The following MCU variants were observed in gnomAD, a reference collection of about 807,000 sequenced individuals.
MCU encodes the protein mitochondrial calcium uniporter.
MCU carries 12 observed loss-of-function variants against 45.2 expected under a neutral mutation model. That is an observed-to-expected ratio of 0.27 (90% CI 0.17 to 0.43). MCU has a LOEUF of 0.43. Ranked by LOEUF, MCU falls within the 20% of genes least tolerant of loss-of-function variation. The pLI, the probability that MCU is intolerant of heterozygous loss-of-function variation, is 1.00. For missense variants in MCU, 324 were observed against 436.7 expected, an observed-to-expected ratio of 0.74 and a Z score of 2.30; for synonymous variants, 160 against 165.1, an observed-to-expected ratio of 0.97 and a Z score of 0.24.
chr10:72,865,763 G>GTT lies in MCU; in HGVS notation c.497-2930_497-2929dup, dbSNP rs111556239. 9.5e-3 allele frequency among the ~76,000 whole-genome samples: 1,185 copies of GTT among 125,350 alleles called. 18 individuals carry two copies. The highest frequency in any genetic ancestry group is 0.033 in the African/African-American group (1,111 of 33,856). The allele number at this position is 125,350 out of a possible 152,430, so 82.2% of individuals were successfully genotyped here. On this transcript the variant is annotated intron_variant, in intron 4 of 7. Coordinates refer to ENST00000373053, the MANE Select transcript of MCU (RefSeq NM_138357.3). ...TATGTTGCCCAGGCTGTGTGGTTTT[G>GTT]TTTTTTTTTTTGTTTTTTTTTTTGT...
intron 1 of MCU, among the ~76,000 whole-genome samples, chr10:72,792,961 C>T (rs1357802587): frequency 1.3e-5 from 2 of 151,964 alleles, no homozygotes; most frequent in Non-Finnish European, 2.9e-5. Context: ...TCACTGCAAC[C>T]TCCGCTTCCT....
intron 1 of MCU, among the ~76,000 whole-genome samples, chr10:72,811,657 G>A (rs1844545382): frequency 6.6e-6 from 1 of 152,156 alleles, no homozygotes; most frequent in African/African-American, 2.4e-5. Context: ...TAATTAAAAT[G>A]TGTAAGTTGT....
At chr10:72,870,061 G>T (rs1221547265) in intron 5 of MCU, among the ~76,000 whole-genome samples, 3 of 152,046 alleles carry the variant, frequency 2.0e-5, no homozygotes, top group Non-Finnish European at 4.4e-5. Context: ...GGTTATGACT[G>T]ATTTTTCTTT....
intron 6 of MCU, among the ~76,000 whole-genome samples, chr10:72,875,295 C>G (rs1845601133): frequency 6.6e-6 from 1 of 152,180 alleles, no homozygotes; most frequent in African/African-American, 2.4e-5. Flanking sequence ...ATTATTACTT[C>G]TTACAAAGGG....
rs548505452 is a variant in MCU, at chr10:72,735,169, T to C, written c.150+42868T>C. Among the ~76,000 whole-genome samples, 218 of 151,630 alleles carry C rather than the reference T, an allele frequency of 1.4e-3. 2 individuals are homozygous for C. Among genetic ancestry groups the C allele is most frequent in the African/African-American group, 4.8e-3 (199 of 41,362 alleles). On this transcript the variant is annotated intron_variant, in intron 1 of 7. Coordinates refer to ENST00000373053, the MANE Select transcript of MCU (RefSeq NM_138357.3). ...TTTCAGTGTTCAGCATTTTTATTAA[T>C]GACATGGATGGAATATTAATGACTT... is the stretch of plus-strand genomic sequence containing the variant.
chr10:72,727,916 T>C (rs1843121904), intron 1 of MCU, among the ~76,000 whole-genome samples: 1 of 151,998 alleles, frequency 6.6e-6, no homozygotes, highest in Non-Finnish European at 1.5e-5. Context: ...TTTTTTTTTT[T>C]TTAAGGATAT....
chr10:72,875,877 A>C (rs907191821), intron 6 of MCU, among the ~76,000 whole-genome samples: 2 of 152,236 alleles, frequency 1.3e-5, no homozygotes, highest in African/African-American at 2.4e-5. Flanking sequence ...CCGTCCCACC[A>C]TCTGGCCCAT....
intron 1 of MCU, among the ~76,000 whole-genome samples, chr10:72,811,744 G>T (rs1844546485): frequency 6.6e-6 from 1 of 152,016 alleles, no homozygotes; most frequent in Non-Finnish European, 1.5e-5. Context: ...TTGAATTTTT[G>T]CAAAATAAAT....
chr10:72,744,816 G>A (rs773857311), intron 1 of MCU, among the ~76,000 whole-genome samples: 1 of 152,166 alleles, frequency 6.6e-6, no homozygotes, highest in Non-Finnish European at 1.5e-5. Context: ...TTCTGAGTTG[G>A]AGATCATTAA....
At chr10:72,775,660 C>G (rs1843882259) in intron 1 of MCU, among the ~76,000 whole-genome samples, 1 of 151,606 alleles carries the variant, frequency 6.6e-6, no homozygotes, top group Admixed American at 6.6e-5. Context: ...GAGAGAAGAC[C>G]CAAATAAAAT....
chr10:72,766,710 C>A (rs1250391517), intron 1 of MCU: 1 of 152,134 alleles, frequency 6.6e-6, no homozygotes, highest in Non-Finnish European at 1.5e-5. Context: ...GCCTTCTGAT[C>A]CTGTATTTCT....
intron 1 of MCU, chr10:72,712,310 C>T (rs1842905030): frequency 6.6e-6 from 1 of 152,110 alleles, no homozygotes; most frequent in Non-Finnish European, 1.5e-5. Context: ...ATCCTTTGTA[C>T]TTCCTGAGAG....
intron 4 of MCU, among the ~76,000 whole-genome samples, chr10:72,864,671 G>T (rs1845426550): frequency 6.6e-6 from 1 of 152,078 alleles, no homozygotes; most frequent in Admixed American, 6.5e-5. Context: ...AGTTTTTGAG[G>T]TTTCAAAAGT....
At chr10:72,815,742 T>TA (rs1305458073) in intron 1 of MCU, among the ~76,000 whole-genome samples, 1 of 152,168 alleles carries the variant, frequency 6.6e-6, no homozygotes, top group Non-Finnish European at 1.5e-5. Flanking sequence ...GATAAAAACC[T>TA]ACCTAATCGA....
intron 2 of MCU, among the ~76,000 whole-genome samples, chr10:72,852,273 T>C (rs1845218819): frequency 6.6e-6 from 1 of 152,242 alleles, no homozygotes; most frequent in South Asian, 2.1e-4. Context: ...TTTAAAAATA[T>C]CTTTAGGTAT....
chr10:72,831,584 A>G (rs1190776749), intron 1 of MCU, among the ~76,000 whole-genome samples: 2 of 152,220 alleles, frequency 1.3e-5, no homozygotes, highest in African/African-American at 4.8e-5. Context: ...ACCAAAACAG[A>G]TGAAAATTTT....
chr10:72,773,942 C>T (rs921665702), intron 1 of MCU, among the ~76,000 whole-genome samples: 10 of 152,178 alleles, frequency 6.6e-5, no homozygotes, highest in Admixed American at 6.5e-4. Flanking sequence ...GAATTCACCA[C>T]CACCAGACCC....
At chr10:72,726,106 G>A (rs1367907509) in intron 1 of MCU, among the ~76,000 whole-genome samples, 3 of 151,438 alleles carry the variant, frequency 2.0e-5, no homozygotes, top group African/African-American at 7.3e-5. Context: ...CTGCTGTATT[G>A]CCAGGCTGGT....
intron 2 of MCU, among the ~76,000 whole-genome samples, chr10:72,848,389 C>T (rs1845154109): frequency 6.6e-6 from 1 of 152,052 alleles, no homozygotes; most frequent in Non-Finnish European, 1.5e-5. Flanking sequence ...TGTCAGAAGG[C>T]ATCACATGGT....
Sources: gnomAD v4.1 joint callset for allele counts (sites outside exome capture counted in the v4.1 genomes callset) on GRCh38, gnomAD v4.1.1 for gene constraint, MANE v1.5 for transcripts, NCBI Gene and HGNC (gene_info 2026-07-23, HGNC 2026-07-21) for gene names.